Variants in ANO5 observed in about 807,000 individuals in gnomAD.
The protein encoded by ANO5 is anoctamin-5.
Under a neutral mutation model 121.0 loss-of-function variants are expected in ANO5, and 109 were observed. The observed-to-expected ratio is 0.90, with a 90% CI of 0.77 to 1.06. ANO5 has a LOEUF of 1.06. ANO5 is among the 50% of genes least tolerant of loss of function. The probability of loss-of-function intolerance (pLI) is 0.00; values close to 1 mark genes in which losing one functional copy is unlikely to be tolerated. For synonymous variants in ANO5, 406 were observed against 359.9 expected, an observed-to-expected ratio of 1.13 and a Z score of -1.45; for missense variants, 1,064 against 1,078.5, an observed-to-expected ratio of 0.99 and a Z score of 0.19.
intron 4 of ANO5, among the ~76,000 whole-genome samples, chr11:22,219,854 T>C (rs904949901): frequency 4.0e-5 from 6 of 151,676 alleles, no homozygotes; most frequent in Non-Finnish European, 8.8e-5. Context: ...AACATTTGAG[T>C]TACTGTATCT....
intron 21 of ANO5, among the ~76,000 whole-genome samples, chr11:22,276,750 AAAC>A (rs1335465534): frequency 2.0e-5 from 3 of 150,898 alleles, no homozygotes; most frequent in African/African-American, 7.4e-5. Context: ...AAGAAAAGGT[AAAC>A]AATACAGAGG....
At position 22,237,696 on chromosome 11, in the gene ANO5, A is replaced by G. The variant is rs376855894; in HGVS notation, c.762+1420A>G. Among the ~76,000 whole-genome samples the G allele has an allele frequency of 2.1e-4, 32 of 152,234 alleles. No individual in the cohort carries two copies. In the East Asian group the frequency reaches 4.8e-3, roughly 23 times the overall value. ...CAACACTGATTAGTTTTTCTGTAAG[A>G]GTAGAGGAAATTTTCCAAAATGAGT... On this transcript the variant is annotated intron_variant, in intron 8 of 21. Coordinates refer to ENST00000324559, the MANE Select transcript of ANO5 (RefSeq NM_213599.3).
At chr11:22,197,971 T>C (rs1389296048) in intron 1 of ANO5, among the ~76,000 whole-genome samples, 1 of 152,200 alleles carries the variant, frequency 6.6e-6, no homozygotes, top group Non-Finnish European at 1.5e-5. Context: ...TGATTATGCA[T>C]AGTCACAGCA....
chr11:22,256,638 T>G (rs1315666639), intron 13 of ANO5, among the ~76,000 whole-genome samples: 1 of 152,224 alleles, frequency 6.6e-6, no homozygotes, highest in African/African-American at 2.4e-5. Context: ...TGCTTACATT[T>G]GAATCCAGTT....
At chr11:22,216,970 G>C (rs4922984) in intron 3 of ANO5, among the ~76,000 whole-genome samples, 104,880 of 151,688 alleles carry the variant, frequency 0.69, 37,800 homozygotes, top group Non-Finnish European at 0.81. Context: ...AAGATACCAA[G>C]AAAATAAAAA....
At chr11:22,211,763 A>G (rs1017470132) in intron 3 of ANO5, among the ~76,000 whole-genome samples, 3 of 151,946 alleles carry the variant, frequency 2.0e-5, no homozygotes, top group Non-Finnish European at 4.4e-5. Context: ...TTAAATATCA[A>G]TTAAAAGGTT....
chr11:22,265,349 C>T (rs1477098246), intron 17 of ANO5, among the ~76,000 whole-genome samples: 1 of 151,998 alleles, frequency 6.6e-6, no homozygotes, highest in East Asian at 1.9e-4. Context: ...ATTTCTAGAA[C>T]CAGGTTAACT....
At chr11:22,223,651 G>A (rs1316235924) in intron 5 of ANO5, among the ~76,000 whole-genome samples, 1 of 151,974 alleles carries the variant, frequency 6.6e-6, no homozygotes, top group Non-Finnish European at 1.5e-5. Context: ...GTTGCAGGCA[G>A]GCCTTTCTAA....
Position 22,193,444 on chromosome 11 carries a change from C to T in ANO5, c.-49C>T, listed in dbSNP as rs767986332. 2 of 1,591,794 alleles carry T rather than the reference C, an allele frequency of 1.3e-6. No individual in the cohort carries two copies. Among genetic ancestry groups the T allele is most frequent in the Admixed American group, 3.5e-5 (2 of 56,644 alleles). On this transcript the variant is annotated 5_prime_UTR_variant, in exon 1 of 22. Transcript: ENST00000324559. ...GATCTCCACGTCTGTCTCAGCTGCC[C>T]CTCTCCTGCTGCCTCTCAGGCACCA...
intron 1 of ANO5, among the ~76,000 whole-genome samples, chr11:22,197,990 C>T (rs1388557654): frequency 6.6e-6 from 1 of 152,166 alleles, no homozygotes; most frequent in Non-Finnish European, 1.5e-5. Flanking sequence ...CATCTTTATA[C>T]TCCATGAGGG....
At chr11:22,213,355 ACTT>A (rs1274307011) in intron 3 of ANO5, among the ~76,000 whole-genome samples, 4 of 151,592 alleles carry the variant, frequency 2.6e-5, no homozygotes, top group African/African-American at 7.3e-5. Context: ...AGTTTCATGT[ACTT>A]CTTTTGATTT....
chr11:22,239,761 TTAC>T, intron 9 of ANO5, 77 bp downstream of exon 9: 1 of 1,148,238 alleles, frequency 8.7e-7, no homozygotes, highest in Admixed American at 1.7e-5. Context: ...AATATTTTTT[TTAC>T]TACTATTTTC....
chr11:22,195,378 A>G (rs1231579729), intron 1 of ANO5, among the ~76,000 whole-genome samples: 1 of 152,032 alleles, frequency 6.6e-6, no homozygotes, highest in Non-Finnish European at 1.5e-5. Flanking sequence ...TCTGAGTGTT[A>G]TCATTCTATG....
chr11:22,246,309 TG>T (rs1342671852), intron 9 of ANO5, among the ~76,000 whole-genome samples: 1 of 152,156 alleles, frequency 6.6e-6, no homozygotes, highest in Non-Finnish European at 1.5e-5. Context: ...TGTTTCTTTA[TG>T]TTTTCCACCC....
chr11:22,194,677 T>C lies in ANO5; in HGVS notation c.40+1145T>C, dbSNP rs760857122. Among the ~76,000 whole-genome samples, 36 of 152,330 alleles carry C rather than the reference T, an allele frequency of 2.4e-4. No individual in the cohort carries two copies. In the Middle Eastern group the frequency reaches 0.01, roughly 43 times the overall value. On this transcript the variant is annotated intron_variant, in intron 1 of 21. Coordinates refer to ENST00000324559, the MANE Select transcript of ANO5 (RefSeq NM_213599.3). The stretch of plus-strand genomic sequence containing the variant: ...GCCTATTCAAGACCATTCGAATAAA[T>C]AGAATCATACAACATGTGGTCTGTT...
chr11:22,224,359 G>T (rs1187792100), intron 5 of ANO5, among the ~76,000 whole-genome samples: 2 of 151,812 alleles, frequency 1.3e-5, no homozygotes, highest in African/African-American at 2.4e-5. Flanking sequence ...CTTCAATAAG[G>T]TACTGGCATA....
intron 17 of ANO5, among the ~76,000 whole-genome samples, chr11:22,265,617 A>G (rs1854332049): frequency 6.6e-6 from 1 of 152,160 alleles, no homozygotes; most frequent in Non-Finnish European, 1.5e-5. Context: ...AAGAAATTGT[A>G]AAACTATATA....
chr11:22,241,512 C>T (rs118137805), intron 9 of ANO5, among the ~76,000 whole-genome samples: 40 of 152,074 alleles, frequency 2.6e-4, no homozygotes, highest in Middle Eastern at 3.4e-3. Context: ...TTCCCATCAA[C>T]GGTGTATAAA....
At chr11:22,274,536 G>A in intron 19 of ANO5, 33 bp from the exon 20 acceptor site, 1 of 1,543,064 alleles carries the variant, frequency 6.5e-7, no homozygotes, top group South Asian at 1.2e-5. Flanking sequence ...ATTGGCAGCT[G>A]ATGATCTTCC....
Sources: gnomAD v4.1 joint callset for allele counts (sites outside exome capture counted in the v4.1 genomes callset) on GRCh38, gnomAD v4.1.1 for gene constraint, MANE v1.5 for transcripts, NCBI Gene and HGNC (gene_info 2026-07-23, HGNC 2026-07-21) for gene names.